PRKCE: variants seen among roughly 807,000 people sequenced by gnomAD.
PRKCE encodes the protein protein kinase C epsilon type.
Under a neutral mutation model 85.4 loss-of-function variants are expected in PRKCE, and 16 were observed. That is an observed-to-expected ratio of 0.19 (90% CI 0.13 to 0.28). The LOEUF is 0.28. PRKCE is among the 10% of genes least tolerant of loss of function. The pLI is 1.00. For synonymous variants in PRKCE, 388 were observed against 371.5 expected (o/e 1.04, Z -0.51); for missense variants, 573 against 975.2 (o/e 0.59, Z 5.49).
At chr2:45,942,987 C>T (rs1360471593) in intron 2 of PRKCE, among the ~76,000 whole-genome samples, 1 of 152,174 alleles carries the variant, frequency 6.6e-6, no homozygotes, top group Non-Finnish European at 1.5e-5. Flanking sequence ...TCTTAATATA[C>T]TTTAGAAGTG....
chr2:45,902,193 G>A (rs1038640312), intron 2 of PRKCE, among the ~76,000 whole-genome samples: 4 of 152,172 alleles, frequency 2.6e-5, no homozygotes, highest in East Asian at 1.9e-4. Context: ...CCCAGAAGGC[G>A]ACTTTGGGAT....
chr2:45,846,060 G>A lies in PRKCE; in HGVS notation c.412+2997G>A, dbSNP rs1691763696. Among the ~76,000 whole-genome samples, 3 of 152,140 alleles carry A rather than the reference G, an allele frequency of 2.0e-5. No homozygotes were observed. In the South Asian group the frequency reaches 6.2e-4, roughly 32 times the overall value. On this transcript the variant is annotated intron_variant, in intron 2 of 14. Transcript: ENST00000306156. ...CCTGCTCAAAATGCTCTTATGGGAA[G>A]CTCCAGTCTCAGTCCATGTTTTACT...
chr2:46,155,477 C>T lies in PRKCE; in HGVS notation c.1921-4129C>T, dbSNP rs1202678778. ...TGCTCTCCCCTGCACAGCACTCTCC[C>T]ACTTCCCACCCTGCACTCAGGGAGG... On this transcript the variant is annotated intron_variant, in intron 13 of 14. Coordinates refer to ENST00000306156, the MANE Select transcript of PRKCE (RefSeq NM_005400.3). This position sits in a 1 kb window ranked among gnomAD's most constrained non-coding sequence, Gnocchi z 4.7. Among the ~76,000 whole-genome samples the T allele has an allele frequency of 3.3e-5, 5 of 152,110 alleles. No homozygotes were observed. Among genetic ancestry groups the T allele is most frequent in the African/African-American group, 1.2e-4 (5 of 41,424 alleles).
chr2:45,782,125 C>T (rs1056838130), intron 1 of PRKCE, among the ~76,000 whole-genome samples: 1 of 152,166 alleles, frequency 6.6e-6, no homozygotes, highest in Non-Finnish European at 1.5e-5. Flanking sequence ...AAGTGTTTCT[C>T]CTTAAGTCTG....
At chr2:45,700,055 G>A (rs1039781675) in intron 1 of PRKCE, among the ~76,000 whole-genome samples, 2 of 152,086 alleles carry the variant, frequency 1.3e-5, no homozygotes, top group African/African-American at 4.8e-5. Context: ...GAAGGCAGAA[G>A]GCACGAGCCA....
chr2:45,759,121 T>G (rs1416161158), intron 1 of PRKCE, among the ~76,000 whole-genome samples: 1 of 152,204 alleles, frequency 6.6e-6, no homozygotes, highest in African/African-American at 2.4e-5. Flanking sequence ...AATGGGGCAC[T>G]GTGCTGTCCC....
At chr2:45,984,927 C>G (rs954379091) in intron 6 of PRKCE, among the ~76,000 whole-genome samples, 4 of 152,278 alleles carry the variant, frequency 2.6e-5, no homozygotes, top group South Asian at 4.2e-4. Flanking sequence ...CTTAAGATCA[C>G]TCACAATCTG....
At chr2:45,872,112 T>C (rs867182228) in intron 2 of PRKCE, among the ~76,000 whole-genome samples, 14 of 152,232 alleles carry the variant, frequency 9.2e-5, no homozygotes, top group African/African-American at 3.4e-4. Context: ...TTGTTAATAA[T>C]TTATAACTGC....
chr2:45,673,788 A>T (rs1676289353), intron 1 of PRKCE, among the ~76,000 whole-genome samples: 1 of 152,204 alleles, frequency 6.6e-6, no homozygotes, highest in Admixed American at 6.5e-5. Flanking sequence ...TTTCTGAATA[A>T]TATTCTAGGA....
chr2:45,800,565 T>C (rs940342836), intron 1 of PRKCE, among the ~76,000 whole-genome samples: 1 of 152,158 alleles, frequency 6.6e-6, no homozygotes, highest in Non-Finnish European at 1.5e-5. Flanking sequence ...CAGCCTTCAC[T>C]CCTTACTCCT....
intron 2 of PRKCE, among the ~76,000 whole-genome samples, chr2:45,876,543 T>A (rs1187108084): frequency 1.3e-5 from 2 of 152,234 alleles, no homozygotes; most frequent in African/African-American, 4.8e-5. Context: ...TCCCACTTTT[T>A]AATTTTTGCC....
At chr2:46,097,162 T>G (rs1391245670) in intron 11 of PRKCE, among the ~76,000 whole-genome samples, 2 of 152,098 alleles carry the variant, frequency 1.3e-5, no homozygotes, top group African/African-American at 4.8e-5. Flanking sequence ...ATATTGACAC[T>G]GATAAACGTG....
At chr2:45,683,419 T>A (rs1677057550) in intron 1 of PRKCE, among the ~76,000 whole-genome samples, 1 of 152,240 alleles carries the variant, frequency 6.6e-6, no homozygotes, top group Non-Finnish European at 1.5e-5. Context: ...CCAGTCTCCT[T>A]GGCAGGTCTT....
chr2:46,110,319 T>C (rs2104211976), intron 11 of PRKCE, among the ~76,000 whole-genome samples: 1 of 152,268 alleles, frequency 6.6e-6, no homozygotes, highest in Non-Finnish European at 1.5e-5. Context: ...TCTCTGGGTC[T>C]TATACTTTCT....
chr2:45,708,457 G>A (rs548307140), intron 1 of PRKCE, among the ~76,000 whole-genome samples: 1 of 152,312 alleles, frequency 6.6e-6, no homozygotes, highest in Non-Finnish European at 1.5e-5. Context: ...TCTCATGATA[G>A]TGAATAAGCC....
chr2:45,836,698 T>A (rs1690908040), intron 1 of PRKCE, among the ~76,000 whole-genome samples: 1 of 152,106 alleles, frequency 6.6e-6, no homozygotes, highest in African/African-American at 2.4e-5. Context: ...CAGTCTTCTG[T>A]CCTGATGGTT....
At chr2:45,961,385 C>G (rs1319325719) in intron 2 of PRKCE, among the ~76,000 whole-genome samples, 1 of 152,226 alleles carries the variant, frequency 6.6e-6, no homozygotes, top group Non-Finnish European at 1.5e-5. Flanking sequence ...AATTCAGCAG[C>G]TGAAGATAGT....
intron 2 of PRKCE, among the ~76,000 whole-genome samples, chr2:45,896,582 G>A (rs542422903): frequency 1.1e-4 from 17 of 152,244 alleles, no homozygotes; most frequent in Admixed American, 5.9e-4. Flanking sequence ...GGAAATGTGC[G>A]TAAATACTTA....
chr2:46,172,716 A>T (rs988024526), intron 14 of PRKCE, among the ~76,000 whole-genome samples: 4 of 152,214 alleles, frequency 2.6e-5, no homozygotes, highest in Non-Finnish European at 5.9e-5. Flanking sequence ...TTTTTACATG[A>T]GACAGCCTTC....
Sources: allele counts gnomAD v4.1 joint callset (sites outside exome capture counted in the v4.1 genomes callset), GRCh38; gene constraint gnomAD v4.1.1; non-coding constraint Gnocchi (gnomAD v3.1); transcripts MANE v1.5; gene names NCBI Gene and HGNC (gene_info 2026-07-23, HGNC 2026-07-21).